The following CFHR5 variants were observed in gnomAD, a reference collection of about 807,000 sequenced individuals.
CFHR5 encodes the protein complement factor H related 5.
CFHR5 carries 73 observed loss-of-function variants against 62.9 expected under a neutral mutation model. That is an observed-to-expected ratio of 1.16 (90% CI 0.96 to 1.41). CFHR5 has a LOEUF of 1.41. Ranked by LOEUF, CFHR5 falls within the 40% of genes most tolerant of loss-of-function variation. The pLI is 0.00. For synonymous variants in CFHR5, 249 were observed against 227.2 expected, an observed-to-expected ratio of 1.10 and a Z score of -0.86; for missense variants, 779 against 679.9, an observed-to-expected ratio of 1.15 and a Z score of -1.62.
chr1:197,000,143 G>A (rs1654109325), intron 7 of CFHR5, among the ~76,000 whole-genome samples: 1 of 151,886 alleles, frequency 6.6e-6, no homozygotes, highest in African/African-American at 2.4e-5. Context: ...AGCATAAAGA[G>A]AAGGAAAATA....
At position 197,002,504 on chromosome 1, in the gene CFHR5, A is replaced by C; in HGVS notation, c.1170A>C (p.Pro390=). The change falls in exon 8 of 10, where the codon CCA becomes CCC. Residue 390 remains proline (P), a synonymous_variant. Transcript: ENST00000256785. ...DCTEKREQFC[P]PPPQIPNAQN... is the part of the protein sequence containing the mutation. ...TAGAAAAAAGGGAACAATTCTGCCC[A>C]CCGCCACCTCAGATACCTAATGCTC... 6.2e-7 allele frequency: 1 copy of C among 1,613,418 alleles called. No individual in the cohort carries two copies.
At chr1:196,983,835 C>G (rs1435609238) in intron 2 of CFHR5, 126 bp from the exon 3 acceptor site, 2 of 637,490 alleles carry the variant, frequency 3.1e-6, no homozygotes, top group Non-Finnish European at 2.7e-6. Context: ...TAGCATGACC[C>G]AAATTCTTTT....
At chr1:196,987,727 T>C (rs2125029494) in intron 3 of CFHR5, among the ~76,000 whole-genome samples, 1 of 152,324 alleles carries the variant, frequency 6.6e-6, no homozygotes, top group South Asian at 2.1e-4. Context: ...TCTATATCTC[T>C]GTTTTGGTAC....
At chr1:196,983,205 G>A (rs1422971495) in intron 2 of CFHR5, 126 bp downstream of exon 2, 2 of 1,222,136 alleles carry the variant, frequency 1.6e-6, no homozygotes, top group Non-Finnish European at 1.2e-6. Flanking sequence ...AATGGGAGAT[G>A]TAGTCCTCCT....
chr1:196,977,496 A>G (rs112612284), upstream of CFHR5: 1,252 of 699,156 alleles, frequency 1.8e-3, 12 homozygotes, highest in African/African-American at 0.014. Context: ...CTTATTTCAC[A>G]CAACCCTCCA....
intron 8 of CFHR5, among the ~76,000 whole-genome samples, chr1:197,003,593 C>T (rs1654205815): frequency 6.6e-6 from 1 of 152,064 alleles, no homozygotes; most frequent in African/African-American, 2.4e-5. Flanking sequence ...GGACAAGATG[C>T]CTGATAATTG....
intron 3 of CFHR5, among the ~76,000 whole-genome samples, chr1:196,991,165 A>G (rs765804945): frequency 6.6e-6 from 1 of 152,040 alleles, no homozygotes; most frequent in Admixed American, 6.6e-5. Context: ...CGGCTATTGA[A>G]GCTTGTACAT....
chr1:196,997,410 C>T (rs1435072566), intron 6 of CFHR5, among the ~76,000 whole-genome samples: 1 of 152,126 alleles, frequency 6.6e-6, no homozygotes, highest in Non-Finnish European at 1.5e-5. Flanking sequence ...CAGAAAACAC[C>T]TGTAAGCATA....
At chr1:196,987,889 T>C (rs1440700932) in intron 3 of CFHR5, among the ~76,000 whole-genome samples, 3 of 152,214 alleles carry the variant, frequency 2.0e-5, no homozygotes, top group African/African-American at 4.8e-5. Context: ...AAAGTAGTTT[T>C]GTCCTATTCT....
Position 196,977,653 on chromosome 1 carries a change from A to T in CFHR5, c.-12A>T, listed in dbSNP as rs1162514427. ...GAGTATTTTTAGTTATATACGATTG[A>T]GACTACCAAGCATGTTGCTCTTATT... On this transcript the variant is annotated 5_prime_UTR_variant, in exon 1 of 10. The change creates a premature stop within an existing upstream ORF in the 5' untranslated region. Transcript: ENST00000256785. The T allele has an allele frequency of 6.2e-7, 1 of 1,606,734 alleles. No individual in the cohort carries two copies. Among genetic ancestry groups the T allele is most frequent in the African/African-American group, 1.3e-5 (1 of 74,712 alleles).
At chr1:196,994,623 A>G (rs2125033960) in intron 4 of CFHR5, among the ~76,000 whole-genome samples, 2 of 152,304 alleles carry the variant, frequency 1.3e-5, no homozygotes, top group African/African-American at 4.8e-5. Context: ...TGCATATACG[A>G]ATTATTCATT....
rs548559387 is a variant in CFHR5 at position 197,004,137 on chromosome 1, T to C, written c.1331-524T>C. The stretch of plus-strand genomic sequence containing the variant: ...CTTAGCATGAAGTTGTTACTTTTTT[T>C]AGTTTTCCCCAAAATCTCTTCATTA... On this transcript the variant is annotated intron_variant, in intron 8 of 9. Transcript: ENST00000256785. 5.9e-5 allele frequency among the ~76,000 whole-genome samples: 9 copies of C among 152,174 alleles called. No homozygotes were observed. In the South Asian group the frequency reaches 1.0e-3, roughly 17 times the overall value.
At chr1:196,976,043 C>A (rs931123963), upstream of CFHR5, among the ~76,000 whole-genome samples, 105 of 152,100 alleles carry the variant, frequency 6.9e-4, no homozygotes, top group African/African-American at 2.4e-3. Context: ...AGTAAGTGAG[C>A]TAAAAAGATT....
intron 8 of CFHR5, among the ~76,000 whole-genome samples, chr1:197,002,877 A>T (rs1654190476): frequency 6.6e-6 from 1 of 152,214 alleles, no homozygotes; most frequent in Non-Finnish European, 1.5e-5. Context: ...AAATTTCTAC[A>T]TCTTCTTAAA....
At chr1:196,990,930 A>C (rs1184640818) in intron 3 of CFHR5, among the ~76,000 whole-genome samples, 1 of 152,108 alleles carries the variant, frequency 6.6e-6, no homozygotes, top group African/African-American at 2.4e-5. Flanking sequence ...AGGTTAAGGA[A>C]GTTCCCCTGG....
rs748254225 is a variant in CFHR5, at chr1:196,996,018, T to C, written c.791-4T>C. On this transcript the variant is annotated splice_region_variant and splice_polypyrimidine_tract_variant and intron_variant, in intron 5 of 9. Transcript: ENST00000256785. Reference sequence around the variant, plus strand: ...TAAGCACTCATTTTATTACATTTTCTTAGAACAAGTGAAAACATGTGGATA... The same window carrying C: ...TAAGCACTCATTTTATTACATTTTCCTAGAACAAGTGAAAACATGTGGATA... 3 of 1,613,586 alleles carry C rather than the reference T, an allele frequency of 1.9e-6. No individual in the cohort carries two copies. The highest frequency in any genetic ancestry group is 1.1e-5 in the South Asian group (1 of 91,062).
intron 3 of CFHR5, among the ~76,000 whole-genome samples, chr1:196,985,002 CT>C (rs995905321): frequency 1.3e-5 from 2 of 151,934 alleles, no homozygotes; most frequent in Non-Finnish European, 2.9e-5. Context: ...GGGTTTTTTC[CT>C]TTTTTCAGTC....
chr1:196,976,410 C>T (rs367640747), upstream of CFHR5, among the ~76,000 whole-genome samples: 2 of 152,106 alleles, frequency 1.3e-5, no homozygotes, highest in Non-Finnish European at 2.9e-5. Context: ...CGGGCATGGA[C>T]CTTTCCAAGC....
In CFHR5 at chr1:196,996,092, T is replaced by G; in HGVS notation, c.861T>G (p.Tyr287Ter). 1 of 1,613,770 alleles carries G rather than the reference T, an allele frequency of 6.2e-7. No homozygotes were observed. The highest frequency in any genetic ancestry group is 8.5e-7 in the Non-Finnish European group (1 of 1,179,734). Reference protein sequence around the residue: ...YGYVQPSVPPYQHGVSVEVNC... With the variant: ...YGYVQPSVPP ...ATGTTCAGCCGTCTGTCCCTCCCTA[T>G]CAACATGGAGTTTCAGTCGAGGTGA... Residue 287 changes from tyrosine to a stop codon, truncating the protein, a stop_gained, in exon 6 of 10, where the codon TAT becomes TAG. Transcript: ENST00000256785. LOFTEE classifies it high-confidence loss of function.
Sources: gnomAD v4.1 joint callset for allele counts (sites outside exome capture counted in the v4.1 genomes callset) on GRCh38, gnomAD v4.1.1 for gene constraint, MANE v1.5 for transcripts, NCBI Gene and HGNC (gene_info 2026-07-23, HGNC 2026-07-21) for gene names.